GRID1: variants seen among roughly 807,000 people sequenced by gnomAD.
GRID1 encodes glutamate ionotropic receptor delta type subunit 1.
In GRID1, 28 loss-of-function variants were observed where a neutral mutation model predicts 98.0. That is an observed-to-expected ratio of 0.29 (90% CI 0.21 to 0.39). GRID1 has a LOEUF of 0.39. Ranked by LOEUF, GRID1 falls within the 10% of genes least tolerant of loss-of-function variation. The pLI is 1.00. For missense variants in GRID1, 1,111 were observed against 1,340.5 expected (o/e 0.83, Z 2.67); for synonymous variants, 553 against 538.5 (o/e 1.03, Z -0.37).
At chr10:86,276,503 CTT>C (rs547471621) in intron 2 of GRID1, among the ~76,000 whole-genome samples, 27 of 142,406 alleles carry the variant, frequency 1.9e-4, no homozygotes, top group African/African-American at 2.8e-4. Flanking sequence ...CTCAATACGA[CTT>C]TTTTTTTTTT....
intron 12 of GRID1, among the ~76,000 whole-genome samples, chr10:85,648,742 T>C (rs897752281): frequency 2.0e-5 from 3 of 152,202 alleles, no homozygotes; most frequent in Admixed American, 2.0e-4. Context: ...TACAAGCCCG[T>C]TGAAAATCCA....
At chr10:86,197,940 T>C (rs184268459) in intron 3 of GRID1, among the ~76,000 whole-genome samples, 1 of 152,206 alleles carries the variant, frequency 6.6e-6, no homozygotes, top group East Asian at 1.9e-4. Context: ...TTAAACTCAC[T>C]TACTCATTTT....
At chr10:86,317,333 G>A (rs1377191646) in intron 2 of GRID1, among the ~76,000 whole-genome samples, 2 of 152,256 alleles carry the variant, frequency 1.3e-5, no homozygotes, top group Admixed American at 6.5e-5. Context: ...GAGCAAGACA[G>A]ACTCCTGCAG....
At chr10:85,790,733 T>C (rs1293519112) in intron 8 of GRID1, among the ~76,000 whole-genome samples, 1 of 152,142 alleles carries the variant, frequency 6.6e-6, no homozygotes, top group African/African-American at 2.4e-5. Flanking sequence ...TGCTCTATGA[T>C]TGGGCATCTG....
At chr10:86,333,523 C>T (rs1321438496) in intron 2 of GRID1, among the ~76,000 whole-genome samples, 1 of 152,216 alleles carries the variant, frequency 6.6e-6, no homozygotes, top group African/African-American at 2.4e-5. Flanking sequence ...GTTGAAAGTA[C>T]AGTTGACACT....
At chr10:86,292,895 T>C (rs1847536429) in intron 2 of GRID1, among the ~76,000 whole-genome samples, 1 of 151,774 alleles carries the variant, frequency 6.6e-6, no homozygotes, top group African/African-American at 2.4e-5. Context: ...GCTCTGTGAG[T>C]GTGGGTGTGA....
At chr10:85,697,918 T>C (rs1334980160) in intron 12 of GRID1, among the ~76,000 whole-genome samples, 1 of 152,150 alleles carries the variant, frequency 6.6e-6, no homozygotes, top group Non-Finnish European at 1.5e-5. Flanking sequence ...GCGATGCTGG[T>C]CTATATGGTC....
intron 4 of GRID1, among the ~76,000 whole-genome samples, chr10:86,031,253 T>C (rs1444963573): frequency 6.6e-6 from 1 of 152,162 alleles, no homozygotes; most frequent in African/African-American, 2.4e-5. Context: ...ATCATATCCT[T>C]TGCAGCAACA....
intron 2 of GRID1, among the ~76,000 whole-genome samples, chr10:86,207,628 C>CTTTTTTTTT (rs71016123): frequency 9.4e-6 from 1 of 106,226 alleles, no homozygotes; most frequent in African/African-American, 3.6e-5. Flanking sequence ...GATGCAGTTT[C>CTTTTTTTTT]TTTTTTTTTT....
At chr10:86,226,059 T>A (rs980819292) in intron 2 of GRID1, among the ~76,000 whole-genome samples, 1 of 151,890 alleles carries the variant, frequency 6.6e-6, no homozygotes, top group African/African-American at 2.4e-5. Context: ...GGTGGACAGG[T>A]AGGCTGATGG....
intron 12 of GRID1, among the ~76,000 whole-genome samples, chr10:85,705,923 AAAAACTCT>A (rs1841511464): frequency 2.0e-5 from 3 of 152,242 alleles, no homozygotes; most frequent in African/African-American, 7.2e-5. Context: ...ATTTCATGCT[AAAAACTCT>A]CAATAAATTA....
intron 2 of GRID1, among the ~76,000 whole-genome samples, chr10:86,232,412 G>A (rs557579375): frequency 6.6e-6 from 1 of 152,334 alleles, no homozygotes; most frequent in East Asian, 1.9e-4. Context: ...AAGACTCAGT[G>A]AGGTTTCACA....
At chr10:86,289,884 C>T (rs1018869636) in intron 2 of GRID1, among the ~76,000 whole-genome samples, 1 of 152,214 alleles carries the variant, frequency 6.6e-6, no homozygotes, top group Non-Finnish European at 1.5e-5. Context: ...ACTGTGGACA[C>T]CAAAGACCAG....
intron 8 of GRID1, among the ~76,000 whole-genome samples, chr10:85,834,008 G>A (rs932419317): frequency 5.3e-5 from 8 of 152,122 alleles, no homozygotes; most frequent in East Asian, 1.9e-4. Context: ...GAGATCCAAC[G>A]CCAACATTAA....
intron 2 of GRID1, among the ~76,000 whole-genome samples, chr10:86,310,312 TG>T (rs1271317454): frequency 6.6e-6 from 1 of 151,356 alleles, no homozygotes; most frequent in Non-Finnish European, 1.5e-5. Context: ...CTCAATGGAC[TG>T]TACCTCAAGG....
intron 5 of GRID1, among the ~76,000 whole-genome samples, chr10:85,909,076 A>C (rs926688191): frequency 7.9e-5 from 12 of 152,252 alleles, no homozygotes; most frequent in Non-Finnish European, 7.3e-5. Flanking sequence ...AAGAATTTTC[A>C]GAACTCAATA....
At chr10:86,015,391 C>T (rs1272407332) in intron 4 of GRID1, among the ~76,000 whole-genome samples, 3 of 152,212 alleles carry the variant, frequency 2.0e-5, no homozygotes, top group Non-Finnish European at 2.9e-5. Flanking sequence ...ATTCCTCCTA[C>T]CAAAGATGCT....
At chr10:85,855,401 C>T (rs1030302609) in intron 7 of GRID1, among the ~76,000 whole-genome samples, 1 of 152,198 alleles carries the variant, frequency 6.6e-6, no homozygotes, top group African/African-American at 2.4e-5. Flanking sequence ...CCTACAGAGT[C>T]CCAGAAACAC....
At chr10:86,160,387 T>C (rs1845304158) in intron 3 of GRID1, among the ~76,000 whole-genome samples, 1 of 152,152 alleles carries the variant, frequency 6.6e-6, no homozygotes, top group Non-Finnish European at 1.5e-5. Flanking sequence ...GCAGACCAAC[T>C]AGCTAGCATC....
Sources: allele counts gnomAD v4.1 joint callset (sites outside exome capture counted in the v4.1 genomes callset), GRCh38; gene constraint gnomAD v4.1.1; transcripts MANE v1.5; gene names NCBI Gene and HGNC (gene_info 2026-07-23, HGNC 2026-07-21).